Variants in ATP9B observed in about 807,000 individuals in gnomAD.
ATP9B encodes probable phospholipid-transporting ATPase IIB.
A neutral mutation model predicts 146.1 loss-of-function variants in ATP9B; 110 were observed. That is an observed-to-expected ratio of 0.75 (90% confidence interval 0.65 to 0.88). ATP9B has a LOEUF of 0.88. Among genes scored for constraint, ATP9B ranks in the 40% least tolerant of loss-of-function variants. The probability of loss-of-function intolerance (pLI) is 0.00; values close to 1 mark genes in which losing one functional copy is unlikely to be tolerated. For synonymous variants in ATP9B, 604 were observed against 569.7 expected (o/e 1.06, Z -0.86); for missense variants, 1,499 against 1,496.4 (o/e 1.00, Z -0.03).
intron 7 of ATP9B, among the ~76,000 whole-genome samples, chr18:79,174,775 C>T (rs1424305165): frequency 1.3e-5 from 2 of 152,036 alleles, no homozygotes; most frequent in African/African-American, 4.8e-5. Context: ...TTTAGCTTTT[C>T]ATTTTTTTGG....
At chr18:79,185,334 T>A (rs1450185983) in intron 8 of ATP9B, among the ~76,000 whole-genome samples, 2 of 132,478 alleles carry the variant, frequency 1.5e-5, no homozygotes, top group Non-Finnish European at 3.1e-5. Context: ...TTATCTTCAA[T>A]ATTATAAGGA....
Position 79,375,939 on chromosome 18 carries a change from T to C in ATP9B, c.3307+513T>C, listed in dbSNP as rs190255996. 289 of 985,448 alleles carry C rather than the reference T, an allele frequency of 2.9e-4. 1 individual carries two copies. In the African/African-American group the frequency reaches 4.8e-3, roughly 16 times the overall value. 61.0% of individuals were successfully genotyped at this position (985,448 alleles called of 1,614,324 possible). A position where few individuals can be genotyped will look rare whatever the true frequency, so the allele number is the denominator to read the frequency against. Reference sequence around the variant, plus strand: ...GTATGTAAATCTCCAGTTTCTCATCTGCCTCTTTTCATGCGGAATTCAAGT... The same window carrying C: ...GTATGTAAATCTCCAGTTTCTCATCCGCCTCTTTTCATGCGGAATTCAAGT... On this transcript the variant is annotated intron_variant, in intron 29 of 29. Coordinates refer to ENST00000426216, the MANE Select transcript of ATP9B (RefSeq NM_198531.5).
chr18:79,181,177 T>G (rs2095248222), intron 8 of ATP9B, among the ~76,000 whole-genome samples: 1 of 152,160 alleles, frequency 6.6e-6, no homozygotes, highest in Non-Finnish European at 1.5e-5. Context: ...GAGCTTTGAT[T>G]TCATCTGATG....
chr18:79,260,334 C>T (rs1314021133), intron 12 of ATP9B, among the ~76,000 whole-genome samples: 2 of 152,158 alleles, frequency 1.3e-5, no homozygotes, highest in Admixed American at 6.5e-5. Context: ...TGAGAACTCA[C>T]TCATTATCAC....
intron 5 of ATP9B, among the ~76,000 whole-genome samples, chr18:79,135,909 A>G (rs2094441714): frequency 1.3e-5 from 2 of 152,040 alleles, no homozygotes; most frequent in African/African-American, 4.8e-5. Flanking sequence ...TCCTTTCTCT[A>G]CTGCATTGCC....
intron 11 of ATP9B, among the ~76,000 whole-genome samples, chr18:79,226,387 G>T (rs567814577): frequency 6.6e-6 from 1 of 152,196 alleles, no homozygotes; most frequent in African/African-American, 2.4e-5. Context: ...CCACCACAGC[G>T]CATCCTGCCT....
intron 7 of ATP9B, among the ~76,000 whole-genome samples, chr18:79,161,707 G>A (rs769881658): frequency 1.3e-5 from 2 of 152,024 alleles, no homozygotes; most frequent in Non-Finnish European, 1.5e-5. Context: ...ATTTGCCGGC[G>A]TGGTGGCGGG....
intron 2 of ATP9B, among the ~76,000 whole-genome samples, chr18:79,108,944 T>C (rs2075828092): frequency 6.6e-6 from 1 of 152,186 alleles, no homozygotes; most frequent in African/African-American, 2.4e-5. Flanking sequence ...ATTTGTAAAG[T>C]GATTTCTAAA....
In ATP9B at chr18:79,342,337, A is replaced by G. The variant is rs977433358; in HGVS notation, c.2353A>G (p.Arg785Gly). The G allele has an allele frequency of 1.2e-6, 2 of 1,613,200 alleles. No individual in the cohort carries two copies. The highest frequency in any genetic ancestry group is 2.7e-5 in the African/African-American group (2 of 74,924). The change falls in exon 20 of 30, where the codon AGA becomes GGA. Residue 785 changes from arginine to glycine, a missense_variant. Physicochemically the swap from Arg to Gly is moderately radical, Grantham distance 125. Transcript: ENST00000426216. ...TGCCAAAAGTTCACATCTCGTGTCT[A>G]GAACACAAGATATTCATATTTTCAG... ...CIAKSSHLVS[R>G]TQDIHIFRQV...
intron 8 of ATP9B, among the ~76,000 whole-genome samples, chr18:79,192,258 G>A (rs1245102437): frequency 6.6e-6 from 1 of 152,098 alleles, no homozygotes; most frequent in Non-Finnish European, 1.5e-5. Flanking sequence ...TAGCAGCCAT[G>A]ACAGAACTTT....
intron 4 of ATP9B, among the ~76,000 whole-genome samples, chr18:79,119,362 A>G (rs755924986): frequency 1.3e-5 from 2 of 152,198 alleles, no homozygotes; most frequent in Non-Finnish European, 2.9e-5. Context: ...AAGACGAGAA[A>G]ACGTTTCTCT....
intron 11 of ATP9B, among the ~76,000 whole-genome samples, chr18:79,252,203 G>C (rs1205047987): frequency 6.6e-6 from 1 of 152,250 alleles, no homozygotes; most frequent in South Asian, 2.1e-4. Context: ...AGTAGGAACC[G>C]TGGCCACTGT....
At chr18:79,117,184 G>A (rs918326634) in intron 4 of ATP9B, 6 of 152,116 alleles carry the variant, frequency 3.9e-5, no homozygotes, top group African/African-American at 1.4e-4. Context: ...GAAATCCACA[G>A]TTCTTTTGAT....
At chr18:79,136,517 T>C (rs1459379115) in intron 5 of ATP9B, among the ~76,000 whole-genome samples, 1 of 152,244 alleles carries the variant, frequency 6.6e-6, no homozygotes, top group Non-Finnish European at 1.5e-5. Flanking sequence ...GGAAAGTGTT[T>C]AGCCTTTATT....
chr18:79,184,538 A>T (rs573165135), intron 8 of ATP9B, among the ~76,000 whole-genome samples: 2 of 151,868 alleles, frequency 1.3e-5, no homozygotes, highest in South Asian at 4.2e-4. Flanking sequence ...CTGTTCTATT[A>T]TCTTATTACT....
chr18:79,373,719 G>A (rs557083851), intron 27 of ATP9B, among the ~76,000 whole-genome samples, 179 bp from the exon 28 acceptor site: 101 of 152,214 alleles, frequency 6.6e-4, no homozygotes, highest in African/African-American at 2.3e-3. Context: ...TGGAACTCAC[G>A]ACCTGGTGAT....
intron 13 of ATP9B, among the ~76,000 whole-genome samples, chr18:79,285,150 T>C (rs2096423645): frequency 6.6e-6 from 1 of 151,528 alleles, no homozygotes; most frequent in African/African-American, 2.4e-5. Flanking sequence ...ATGGGATGGC[T>C]GGGTCAAATG....
At chr18:79,202,219 C>T (rs914675857) in intron 9 of ATP9B, among the ~76,000 whole-genome samples, 4 of 152,186 alleles carry the variant, frequency 2.6e-5, no homozygotes, top group African/African-American at 9.7e-5. Context: ...ACCTAAATTA[C>T]TGATTGTATA....
intron 1 of ATP9B, among the ~76,000 whole-genome samples, chr18:79,084,941 G>A (rs1317336988): frequency 4.0e-5 from 6 of 151,420 alleles, no homozygotes; most frequent in Admixed American, 1.3e-4. Flanking sequence ...TGTGATTTGA[G>A]TATGATGTTA....
Sources: gnomAD v4.1 joint callset for allele counts (sites outside exome capture counted in the v4.1 genomes callset) on GRCh38, gnomAD v4.1.1 for gene constraint, MANE v1.5 for transcripts, NCBI Gene and HGNC (gene_info 2026-07-23, HGNC 2026-07-21) for gene names.